The following CRADD variants were observed in gnomAD, a reference collection of about 807,000 sequenced individuals.
CRADD encodes the protein death domain-containing protein CRADD.
In CRADD, 9 loss-of-function variants were observed where a neutral mutation model predicts 15.5. The ratio of observed to expected loss-of-function variants is 0.58; its 90% CI spans 0.35 to 1.01. The LOEUF (loss-of-function observed/expected upper bound fraction) is 1.01, where lower values mean the gene tolerates loss of function less well. CRADD is among the 50% of genes least tolerant of loss of function. CRADD has a pLI of 0.02. For missense variants in CRADD, 227 were observed against 250.3 expected, an observed-to-expected ratio of 0.91 and a Z score of 0.63; for synonymous variants, 118 against 107.6, an observed-to-expected ratio of 1.10 and a Z score of -0.60.
At chr12:93,719,941 G>GCTCT (rs1422830571) in intron 2 of CRADD, among the ~76,000 whole-genome samples, 1 of 151,760 alleles carries the variant, frequency 6.6e-6, no homozygotes, top group Admixed American at 6.6e-5. Context: ...GTTAATTTCT[G>GCTCT]CTCTAATTTT....
intron 2 of CRADD, chr12:93,859,284 T>C: frequency 2.2e-6 from 1 of 454,202 alleles, no homozygotes; most frequent in Non-Finnish European, 4.4e-6. Context: ...ATACATTTGT[T>C]ACTTTTTTTC....
At chr12:93,863,277 C>A (rs1387504490) in intron 2 of CRADD, among the ~76,000 whole-genome samples, 1 of 152,140 alleles carries the variant, frequency 6.6e-6, no homozygotes, top group Non-Finnish European at 1.5e-5. Flanking sequence ...AGCCCCGAGC[C>A]AGGAAAGTTC....
chr12:93,812,072 A>G (rs1466827202), intron 2 of CRADD, among the ~76,000 whole-genome samples: 1 of 152,206 alleles, frequency 6.6e-6, no homozygotes, highest in Non-Finnish European at 1.5e-5. Context: ...AGGCAAAACT[A>G]TAGAGAAAGT....
chr12:93,681,163 C>T (rs1955287137), intron 2 of CRADD, among the ~76,000 whole-genome samples: 2 of 152,240 alleles, frequency 1.3e-5, no homozygotes, highest in South Asian at 2.1e-4. Context: ...GGATTACAGG[C>T]GTGAGCCACC....
Position 93,728,398 on chromosome 12 carries a change from A to G in CRADD, c.298+49326A>G, listed in dbSNP as rs1177171775. Among the ~76,000 whole-genome samples the G allele has an allele frequency of 5.3e-5, 8 of 152,272 alleles. 1 individual carries two copies. The highest frequency in any genetic ancestry group is 1.9e-4 in the African/African-American group (8 of 41,470). ...GGCACATAAAAGAACACTTGAATAAATAGAGAAACATGTTCATTGGTGAAA... is the reference window on the plus strand; with the variant it reads ...GGCACATAAAAGAACACTTGAATAAGTAGAGAAACATGTTCATTGGTGAAA... On this transcript the variant is annotated intron_variant, in intron 2 of 2. Coordinates refer to ENST00000332896, the MANE Select transcript of CRADD (RefSeq NM_003805.5).
At chr12:93,797,375 G>A (rs1957430506) in intron 2 of CRADD, among the ~76,000 whole-genome samples, 2 of 152,150 alleles carry the variant, frequency 1.3e-5, no homozygotes, top group African/African-American at 4.8e-5. Flanking sequence ...GGATTTCAGG[G>A]GGTGAACTTG....
chr12:93,769,116 T>C (rs968300320), intron 2 of CRADD, among the ~76,000 whole-genome samples: 12 of 152,230 alleles, frequency 7.9e-5, no homozygotes, highest in Admixed American at 7.8e-4. Context: ...GGTCTTACTC[T>C]GTTGCCAAAG....
chr12:93,875,825 C>T (rs1210803185), intron 2 of CRADD, among the ~76,000 whole-genome samples: 1 of 152,084 alleles, frequency 6.6e-6, no homozygotes, highest in Non-Finnish European at 1.5e-5. Context: ...AGTCTTTCTA[C>T]TCAGGATAAG....
At chr12:93,796,689 G>T (rs557980362) in intron 2 of CRADD, among the ~76,000 whole-genome samples, 1 of 151,748 alleles carries the variant, frequency 6.6e-6, no homozygotes, top group Non-Finnish European at 1.5e-5. Flanking sequence ...ATTTCTATGG[G>T]GCTAGACTTT....
intron 2 of CRADD, among the ~76,000 whole-genome samples, chr12:93,884,752 G>T (rs893834029): frequency 1.3e-5 from 2 of 152,158 alleles, no homozygotes; most frequent in Non-Finnish European, 2.9e-5. Context: ...CGAGTGACAA[G>T]AACCTGGTTT....
chr12:93,686,302 C>G (rs1445051295), intron 2 of CRADD, among the ~76,000 whole-genome samples: 1 of 72,500 alleles, frequency 1.4e-5, no homozygotes, highest in Non-Finnish European at 3.0e-5. Flanking sequence ...CTCCATCCCC[C>G]CCAAAAAAAA....
At chr12:93,725,349 C>G (rs1449981282) in intron 2 of CRADD, among the ~76,000 whole-genome samples, 1 of 152,156 alleles carries the variant, frequency 6.6e-6, no homozygotes, top group East Asian at 1.9e-4. Flanking sequence ...CCAGTTGTCA[C>G]CAACTACTGC....
Position 93,831,716 on chromosome 12 carries a change from A to G in CRADD, c.299-18254A>G, listed in dbSNP as rs191005783. ...CCTTTAACTCTTAGTTCACTGCGGT[A>G]TATGCCACATGCTTTCATGCTGAGT... On this transcript the variant is annotated intron_variant, in intron 2 of 2. Coordinates refer to ENST00000332896, the MANE Select transcript of CRADD (RefSeq NM_003805.5). Among the ~76,000 whole-genome samples, 242 of 152,368 alleles carry G rather than the reference A, an allele frequency of 1.6e-3. 1 individual carries two copies. The highest frequency in any genetic ancestry group is 5.6e-3 in the African/African-American group (231 of 41,598).
At chr12:93,864,191 T>A (rs1426821125) in intron 2 of CRADD, among the ~76,000 whole-genome samples, 1 of 152,198 alleles carries the variant, frequency 6.6e-6, no homozygotes, top group Admixed American at 6.5e-5. Flanking sequence ...GTGTCAAGGA[T>A]TACAGGTGTG....
intron 2 of CRADD, among the ~76,000 whole-genome samples, chr12:93,844,765 T>C (rs920174013): frequency 2.0e-5 from 3 of 152,154 alleles, no homozygotes; most frequent in Admixed American, 2.0e-4. Context: ...CCACAGGCTC[T>C]TGCAGCAAGC....
chr12:93,847,794 A>G (rs905552569), intron 2 of CRADD, among the ~76,000 whole-genome samples: 1 of 152,232 alleles, frequency 6.6e-6, no homozygotes, highest in African/African-American at 2.4e-5. Flanking sequence ...ATGTAAAGTA[A>G]TTATAGAGTA....
At position 93,785,287 on chromosome 12, in the gene CRADD, T is replaced by A. The variant is rs373238334; in HGVS notation, c.299-64683T>A. On this transcript the variant is annotated intron_variant, in intron 2 of 2. Transcript: ENST00000332896. ...ACCATCTTATGTGGTTGAAATATGC[T>A]TTAGTATTTACATAATTGAAAATGA... Among the ~76,000 whole-genome samples the A allele has an allele frequency of 1.1e-4, 16 of 152,314 alleles. 1 individual carries two copies. In the South Asian group the frequency reaches 3.3e-3, roughly 32 times the overall value.
chr12:93,716,186 C>A (rs1420664423), intron 2 of CRADD, among the ~76,000 whole-genome samples: 1 of 151,128 alleles, frequency 6.6e-6, no homozygotes, highest in African/African-American at 2.4e-5. Flanking sequence ...TGAAGATGGT[C>A]TTATAAAGTT....
chr12:93,876,410 A>G (rs1389328121), intron 2 of CRADD, among the ~76,000 whole-genome samples: 3 of 152,000 alleles, frequency 2.0e-5, no homozygotes, highest in Admixed American at 6.6e-5. Context: ...TACACTTTCT[A>G]CCCCTATCTC....
Sources: gnomAD v4.1 joint callset for allele counts (sites outside exome capture counted in the v4.1 genomes callset) on GRCh38, gnomAD v4.1.1 for gene constraint, MANE v1.5 for transcripts, NCBI Gene and HGNC (gene_info 2026-07-23, HGNC 2026-07-21) for gene names.